TOX2: variants seen among roughly 807,000 people sequenced by gnomAD.
The protein encoded by TOX2 is granulosa cell HMG box 1.
In TOX2, 15 loss-of-function variants were observed where a neutral mutation model predicts 47.4. The observed-to-expected ratio is 0.32, with a 90% CI of 0.21 to 0.49. TOX2 has a LOEUF of 0.49. TOX2 is among the 20% of genes least tolerant of loss of function. The pLI is 0.99. For missense variants in TOX2, 622 were observed against 673.1 expected, an observed-to-expected ratio of 0.92 and a Z score of 0.84; for synonymous variants, 290 against 296.6, an observed-to-expected ratio of 0.98 and a Z score of 0.23.
At chr20:43,948,368 A>G (rs940661243) in intron 1 of TOX2, among the ~76,000 whole-genome samples, 1 of 152,236 alleles carries the variant, frequency 6.6e-6, no homozygotes, top group Non-Finnish European at 1.5e-5. Flanking sequence ...GTCCAGGCTG[A>G]TGGCTTCAAC....
intron 1 of TOX2, among the ~76,000 whole-genome samples, chr20:43,967,324 G>C (rs2069873761): frequency 6.6e-6 from 1 of 152,194 alleles, no homozygotes; most frequent in South Asian, 2.1e-4. Flanking sequence ...TTTGGCTAAA[G>C]ATGAGGATTT....
intron 1 of TOX2, among the ~76,000 whole-genome samples, chr20:43,954,990 C>A (rs956905667): frequency 4.6e-5 from 7 of 152,294 alleles, no homozygotes; most frequent in African/African-American, 1.7e-4. Context: ...ATCCAAAAAG[C>A]CCTGCGACGA....
chr20:43,951,543 A>C (rs535465973), intron 1 of TOX2, among the ~76,000 whole-genome samples: 48 of 152,024 alleles, frequency 3.2e-4, no homozygotes, highest in African/African-American at 1.1e-3. Flanking sequence ...TGCCATTGCA[A>C]TCCAGCCTGG....
intron 6 of TOX2, 72 bp downstream of exon 6, chr20:44,064,929 G>A (rs112814410): frequency 6.1e-6 from 9 of 1,483,862 alleles, no homozygotes; most frequent in African/African-American, 4.2e-5. Flanking sequence ...AAGAACTGGG[G>A]CCCGTGGGAA....
chr20:44,018,437 G>A (rs953172160), intron 3 of TOX2, among the ~76,000 whole-genome samples: 8 of 152,164 alleles, frequency 5.3e-5, no homozygotes, highest in East Asian at 1.9e-4. Flanking sequence ...CTGCAGCCTC[G>A]ATATTACTGG....
intron 1 of TOX2, among the ~76,000 whole-genome samples, chr20:43,927,647 T>TCCTC (rs1569003601): frequency 1.1e-4 from 10 of 94,244 alleles, no homozygotes; most frequent in East Asian, 9.6e-4. Flanking sequence ...TTCCTCCCCT[T>TCCTC]CCCTTCCCTT....
intron 2 of TOX2, among the ~76,000 whole-genome samples, chr20:43,988,881 A>G (rs2070318795): frequency 6.6e-6 from 1 of 152,240 alleles, no homozygotes; most frequent in South Asian, 2.1e-4. Context: ...ACTCTGGACT[A>G]GAAGTGAGAA....
chr20:44,051,405 C>T lies in TOX2; in HGVS notation c.511C>T (p.Leu171Phe). The T allele has an allele frequency of 1.9e-6, 3 of 1,614,122 alleles. No homozygotes were observed. Among genetic ancestry groups the T allele is most frequent in the Non-Finnish European group, 2.5e-6 (3 of 1,180,006 alleles). ...AATGCTGGCCAGCCACATGAGTGCCCTCAGCCAGTCCCAGCTCATCTCGCA... is the reference window on the plus strand; with the variant it reads ...AATGCTGGCCAGCCACATGAGTGCCTTCAGCCAGTCCCAGCTCATCTCGCA... ...PAMLASHMSA[L>F]SQSQLISQMG... Residue 171 changes from leucine to phenylalanine, a missense_variant, in exon 4 of 9, where the codon CTC becomes TTC. Leu to Phe is a conservative substitution (Grantham distance 22, BLOSUM62 0). Transcript: ENST00000341197.
chr20:44,036,511 TGGTCAACA>T (rs1210226841), intron 3 of TOX2, among the ~76,000 whole-genome samples: 1 of 152,256 alleles, frequency 6.6e-6, no homozygotes, highest in Non-Finnish European at 1.5e-5. Flanking sequence ...AAGAAGTAAC[TGGTCAACA>T]GGTCAGTGTC....
At chr20:43,926,547 T>G (rs117705142) in intron 1 of TOX2, among the ~76,000 whole-genome samples, 3 of 152,264 alleles carry the variant, frequency 2.0e-5, no homozygotes, top group Non-Finnish European at 4.4e-5. Flanking sequence ...AGGCACTGTT[T>G]AGGTGAACCG....
intron 1 of TOX2, among the ~76,000 whole-genome samples, chr20:43,932,501 A>G (rs924316493): frequency 2.0e-4 from 31 of 152,252 alleles, no homozygotes; most frequent in African/African-American, 7.0e-4. Context: ...AAAATGAATT[A>G]GGACGATTAG....
chr20:43,946,990 C>G (rs4812770), intron 1 of TOX2, among the ~76,000 whole-genome samples: 19,563 of 152,236 alleles, frequency 0.13, 1,492 homozygotes, highest in East Asian at 0.26. Flanking sequence ...TTGGAACATC[C>G]TGGGTGAACT....
intron 1 of TOX2, among the ~76,000 whole-genome samples, chr20:43,945,091 G>A (rs1235791526): frequency 6.6e-6 from 1 of 152,172 alleles, no homozygotes; most frequent in Admixed American, 6.5e-5. Context: ...AAGGAACCAG[G>A]GGAGGTTCTT....
Position 44,064,875 on chromosome 20 carries a change from C to T in TOX2, c.960+18C>T. 6.2e-7 allele frequency: 1 copy of T among 1,612,698 alleles called. No individual in the cohort carries two copies. Among genetic ancestry groups the T allele is most frequent in the Non-Finnish European group, 8.5e-7 (1 of 1,178,996 alleles). Reference sequence around the variant, plus strand: ...TCTCCAAGGTAACACCCGGAATCTCCAGGCACAGCCCTGATCAGAGTGGGG... The same window carrying T: ...TCTCCAAGGTAACACCCGGAATCTCTAGGCACAGCCCTGATCAGAGTGGGG... On this transcript the variant is annotated intron_variant, in intron 6 of 8. Transcript: ENST00000341197.
At chr20:44,008,639 A>G (rs2070727905) in intron 3 of TOX2, among the ~76,000 whole-genome samples, 1 of 151,926 alleles carries the variant, frequency 6.6e-6, no homozygotes, top group Non-Finnish European at 1.5e-5. Context: ...CATTTTTTTT[A>G]TACCACAGAA....
intron 2 of TOX2, among the ~76,000 whole-genome samples, chr20:43,986,775 G>A (rs553507000): frequency 2.0e-5 from 3 of 152,054 alleles, no homozygotes; most frequent in African/African-American, 7.2e-5. Flanking sequence ...AAATGCCTTC[G>A]TATGTTCAGG....
In TOX2 at chr20:43,932,782, C is replaced by CA. The variant is rs199581745; in HGVS notation, c.99+17792_99+17793insA. On this transcript the variant is annotated intron_variant, in intron 1 of 8. Transcript: ENST00000341197. ...GTTGGAGAGGGGTTGCTGCCCCCCCCCGCCATTTCTGACTGAGGGCAGGTC... is the reference window on the plus strand; with the variant it reads ...GTTGGAGAGGGGTTGCTGCCCCCCCCACGCCATTTCTGACTGAGGGCAGGTC... Among the ~76,000 whole-genome samples, 51 of 140,474 alleles carry CA rather than the reference C, an allele frequency of 3.6e-4. 2 individuals are homozygous for CA. The South Asian group carries it at 8.2e-3, about 23-fold the overall frequency. 92.2% of individuals were successfully genotyped at this position (140,474 alleles called of 152,430 possible). A position where few individuals can be genotyped will look rare whatever the true frequency, so the allele number is the denominator to read the frequency against.
chr20:44,026,248 T>TATATATATATATATATATATATATATAA (rs750976068), intron 3 of TOX2, among the ~76,000 whole-genome samples: 1 of 67,726 alleles, frequency 1.5e-5, no homozygotes, highest in Non-Finnish European at 3.1e-5. Context: ...TATATATATA[T>TATATATATATATATATATATATATATAA]AGACACACAC....
At chr20:43,924,273 G>A (rs2069141634) in intron 1 of TOX2, among the ~76,000 whole-genome samples, 1 of 152,232 alleles carries the variant, frequency 6.6e-6, no homozygotes, top group Non-Finnish European at 1.5e-5. Context: ...CATGAAGTGA[G>A]AGAGATGTGT....
Sources: allele counts gnomAD v4.1 joint callset (sites outside exome capture counted in the v4.1 genomes callset), GRCh38; gene constraint gnomAD v4.1.1; transcripts MANE v1.5; gene names NCBI Gene and HGNC (gene_info 2026-07-23, HGNC 2026-07-21).